MYCT1: variants seen among roughly 807,000 people sequenced by gnomAD.
MYCT1 encodes myc target protein 1.
MYCT1 carries 12 observed loss-of-function variants against 15.0 expected under a neutral mutation model. That is an observed-to-expected ratio of 0.80 (90% CI 0.51 to 1.29). The LOEUF is 1.29. Among genes scored for constraint, MYCT1 ranks in the 50% most tolerant of loss-of-function variants. The pLI is 0.00. For synonymous variants in MYCT1, 104 were observed against 102.7 expected (o/e 1.01, Z -0.07); for missense variants, 287 against 279.1 (o/e 1.03, Z -0.20).
downstream of MYCT1, among the ~76,000 whole-genome samples, chr6:152,724,835 A>G (rs1385312469): frequency 2.0e-5 from 3 of 151,974 alleles, no homozygotes; most frequent in Non-Finnish European, 4.4e-5. Context: ...AGGGAACATC[A>G]CAAATAAATT....
the MYCT1 span, among the ~76,000 whole-genome samples, chr6:152,731,400 T>C: frequency 6.6e-6 from 1 of 152,224 alleles, no homozygotes; most frequent in African/African-American, 2.4e-5. Flanking sequence ...CTTTAAGTTC[T>C]AGGGTACATG....
the MYCT1 span, among the ~76,000 whole-genome samples, chr6:152,745,231 C>A: frequency 6.6e-6 from 1 of 152,106 alleles, no homozygotes; most frequent in Admixed American, 6.5e-5. Flanking sequence ...AATTCAAGGC[C>A]ATTGTAAAGT....
chr6:152,719,414 TCCTTACTTGA>T (rs1221058991), intron 1 of MYCT1, among the ~76,000 whole-genome samples: 1 of 152,212 alleles, frequency 6.6e-6, no homozygotes, highest in Non-Finnish European at 1.5e-5. Flanking sequence ...TGGTCTCAGA[TCCTTACTTGA>T]CCTTCACCAG....
chr6:152,734,923 A>C, the MYCT1 span, among the ~76,000 whole-genome samples: 1 of 152,230 alleles, frequency 6.6e-6, no homozygotes, highest in Non-Finnish European at 1.5e-5. Flanking sequence ...AAACTGAAAA[A>C]TGCATTTACT....
chr6:152,744,350 A>C, the MYCT1 span, among the ~76,000 whole-genome samples: 1 of 152,206 alleles, frequency 6.6e-6, no homozygotes, highest in Non-Finnish European at 1.5e-5. Flanking sequence ...AAATTTTAAA[A>C]CATGCAGGCC....
At chr6:152,736,081 T>G in the MYCT1 span, among the ~76,000 whole-genome samples, 1 of 152,078 alleles carries the variant, frequency 6.6e-6, no homozygotes, top group Non-Finnish European at 1.5e-5. Flanking sequence ...AACCAGAGTC[T>G]TACATCGTTA....
chr6:152,707,823 C>T (rs2099722565), intron 1 of MYCT1, among the ~76,000 whole-genome samples: 1 of 151,994 alleles, frequency 6.6e-6, no homozygotes, highest in South Asian at 2.1e-4. Flanking sequence ...GGATTTATTA[C>T]TGGGCTTCCT....
intron 1 of MYCT1, among the ~76,000 whole-genome samples, chr6:152,718,498 G>A (rs9384038): frequency 0.13 from 19,541 of 151,926 alleles, 1,741 homozygotes; most frequent in East Asian, 0.35. Context: ...CTCTCACCTC[G>A]GCCTCGCAAA....
At chr6:152,737,875 A>C in the MYCT1 span, among the ~76,000 whole-genome samples, 2 of 152,088 alleles carry the variant, frequency 1.3e-5, no homozygotes, top group Non-Finnish European at 2.9e-5. Flanking sequence ...CACTTGTACA[A>C]AATTAAAGAG....
chr6:152,738,695 T>G, the MYCT1 span, among the ~76,000 whole-genome samples: 2 of 152,104 alleles, frequency 1.3e-5, no homozygotes, highest in African/African-American at 2.4e-5. Context: ...TCCCAGCACA[T>G]AGTATGTGCT....
At chr6:152,742,677 C>T in the MYCT1 span, among the ~76,000 whole-genome samples, 371 of 152,188 alleles carry the variant, frequency 2.4e-3, 3 homozygotes, top group African/African-American at 8.6e-3. Flanking sequence ...GAATGGAGGC[C>T]GGGCCTTCTT....
At chr6:152,705,012 C>T (rs995051181) in intron 1 of MYCT1, among the ~76,000 whole-genome samples, 5 of 152,214 alleles carry the variant, frequency 3.3e-5, no homozygotes, top group African/African-American at 9.6e-5. Flanking sequence ...TTTCCCTCAC[C>T]CCCAAATCAC....
At chr6:152,705,772 C>T (rs1248072711) in intron 1 of MYCT1, 1 of 542,352 alleles carries the variant, frequency 1.8e-6, no homozygotes, top group South Asian at 2.3e-5. Context: ...TCATAGACTC[C>T]AGCTGACTGA....
the MYCT1 span, among the ~76,000 whole-genome samples, chr6:152,738,490 C>T: frequency 6.6e-6 from 1 of 151,982 alleles, no homozygotes; most frequent in Non-Finnish European, 1.5e-5. Flanking sequence ...TTCAGGATTT[C>T]ACTGTCCATT....
rs2099725275 is a variant in MYCT1 at position 152,724,481 on chromosome 6, G to T, written c.*2228G>T. 6.6e-6 allele frequency: 1 copy of T among 152,076 alleles called. No individual in the cohort carries two copies. Among genetic ancestry groups the T allele is most frequent in the African/African-American group, 2.4e-5 (1 of 41,426 alleles). The allele number at this position is 152,076 out of a possible 1,614,324, so 9.4% of individuals were successfully genotyped here. On this transcript the variant is annotated 3_prime_UTR_variant, in exon 2 of 2. Coordinates refer to ENST00000367245, the MANE Select transcript of MYCT1 (RefSeq NM_025107.3). ...TAAATATTGTGAGTGTATGAAATGT[G>T]AAATTAAAGCAAAAACTGGAGACTT...
chr6:152,708,579 T>G (rs1416394581), intron 1 of MYCT1, among the ~76,000 whole-genome samples: 1 of 152,052 alleles, frequency 6.6e-6, no homozygotes, highest in Admixed American at 6.6e-5. Context: ...GTCCCAATTC[T>G]TTGTATTATA....
downstream of MYCT1, among the ~76,000 whole-genome samples, chr6:152,726,714 G>A (rs1014465166): frequency 8.6e-5 from 13 of 152,042 alleles, no homozygotes; most frequent in African/African-American, 3.1e-4. Context: ...TATCTCAGAA[G>A]CTCTCCAGGA....
chr6:152,705,954 G>T, intron 1 of MYCT1: 1 of 778,664 alleles, frequency 1.3e-6, no homozygotes, highest in Non-Finnish European at 2.4e-6. Context: ...GGTGGAAAAA[G>T]CAATTATTGA....
At chr6:152,715,943 T>A (rs1316109811) in intron 1 of MYCT1, among the ~76,000 whole-genome samples, 1 of 152,196 alleles carries the variant, frequency 6.6e-6, no homozygotes, top group East Asian at 1.9e-4. Context: ...CTTAGGCATT[T>A]GTTTTTACTC....
Sources: allele counts gnomAD v4.1 joint callset (sites outside exome capture counted in the v4.1 genomes callset), GRCh38; gene constraint gnomAD v4.1.1; transcripts MANE v1.5; gene names NCBI Gene and HGNC (gene_info 2026-07-23, HGNC 2026-07-21).